CABIN1: variants seen among roughly 807,000 people sequenced by gnomAD.
The protein encoded by CABIN1 is calcineurin-binding protein cabin-1.
In CABIN1, 133 loss-of-function variants were observed where a neutral mutation model predicts 227.7. That is an observed-to-expected ratio of 0.58 (90% CI 0.51 to 0.67). The LOEUF (loss-of-function observed/expected upper bound fraction) is 0.67, where lower values mean the gene tolerates loss of function less well. Among genes scored for constraint, CABIN1 ranks in the 30% least tolerant of loss-of-function variants. CABIN1 has a pLI of 0.00. For missense variants in CABIN1, 2,408 were observed against 2,852.5 expected (o/e 0.84, Z 3.55); for synonymous variants, 1,086 against 1,155.1 (o/e 0.94, Z 1.21).
At chr22:24,014,199 T>C (rs2035059901) in intron 1 of CABIN1, among the ~76,000 whole-genome samples, 2 of 152,238 alleles carry the variant, frequency 1.3e-5, no homozygotes, top group African/African-American at 4.8e-5. Context: ...CTCTCTTTCC[T>C]TCTACATTAT....
intron 24 of CABIN1, among the ~76,000 whole-genome samples, chr22:24,095,168 G>T (rs1417488030): frequency 6.6e-6 from 1 of 152,204 alleles, no homozygotes; most frequent in Non-Finnish European, 1.5e-5. Flanking sequence ...GGGTGAGGGG[G>T]GCCACTTAGC....
At chr22:24,038,131 T>C (rs957769196) in intron 3 of CABIN1, among the ~76,000 whole-genome samples, 9 of 152,128 alleles carry the variant, frequency 5.9e-5, no homozygotes, top group African/African-American at 1.4e-4. Context: ...AAACAGAGAT[T>C]CCATCACATA....
At chr22:24,068,170 G>C (rs1386562669) in intron 16 of CABIN1, among the ~76,000 whole-genome samples, 1 of 152,214 alleles carries the variant, frequency 6.6e-6, no homozygotes, top group Non-Finnish European at 1.5e-5. Context: ...CATGGGGAAA[G>C]GGTAAGAAAG....
chr22:24,152,650 C>T (rs538314428), intron 29 of CABIN1, among the ~76,000 whole-genome samples: 1 of 152,216 alleles, frequency 6.6e-6, no homozygotes, highest in East Asian at 1.9e-4. Context: ...ATTCTTGCCA[C>T]GGCAAGAAAG....
chr22:24,171,664 G>T, intron 33 of CABIN1, 49 bp from the exon 34 acceptor site: 1 of 1,610,220 alleles, frequency 6.2e-7, no homozygotes. Context: ...AGCAGCGTGG[G>T]CTCAGGGCTG....
Position 24,042,832 on chromosome 22 carries a change from G to GTGTGTGTGTGTGTGTTTGCCCTCTGCT in CABIN1, c.346-57_346-56insTTGCCCTCTGCTTGTGTGTGTGTGTGT, listed in dbSNP as rs2037503045. The GTGTGTGTGTGTGTGTTTGCCCTCTGCT allele has an allele frequency of 3.3e-5, 21 of 628,510 alleles. No homozygotes were observed. The African/African-American group carries it at 3.7e-4, about 11-fold the overall frequency. The allele number at this position is 628,510 out of a possible 1,614,324, so 38.9% of individuals were successfully genotyped here. ...GAGAGATCTGACTGTGTGTGTGTGT[G>GTGTGTGTGTGTGTGTTTGCCCTCTGCT]TGTGTGTGTGTGTGTGTGTGTGTGT... On this transcript the variant is annotated intron_variant, in intron 5 of 36. Transcript: ENST00000263119.
chr22:24,086,024 A>C (rs2041135129), intron 22 of CABIN1, among the ~76,000 whole-genome samples: 1 of 152,350 alleles, frequency 6.6e-6, no homozygotes, highest in East Asian at 1.9e-4. Flanking sequence ...CAAGAAGAGA[A>C]GGGACTGGGT....
intron 5 of CABIN1, 138 bp downstream of exon 5, chr22:24,041,411 AGGT>A: frequency 7.4e-6 from 8 of 1,074,810 alleles, no homozygotes; most frequent in Non-Finnish European, 1.1e-5. Flanking sequence ...GCTCTAGGGT[AGGT>A]CCATAGGTGA....
At chr22:24,120,971 G>A (rs567306955) in intron 28 of CABIN1, among the ~76,000 whole-genome samples, 6 of 152,302 alleles carry the variant, frequency 3.9e-5, no homozygotes, top group African/African-American at 1.4e-4. Context: ...TATTGTAGGG[G>A]ACAGCATTGG....
rs11705552 is a variant in CABIN1 at position 24,122,647 on chromosome 22, G to T, written c.4632+2949G>T. Among the ~76,000 whole-genome samples the T allele has an allele frequency of 7.7e-3, 1,179 of 152,144 alleles. 5 individuals are homozygous for T. The highest frequency in any genetic ancestry group is 0.028 in the South Asian group (133 of 4,820). ...CGCTTGAACTGGGGAGGCGGAGGTT[G>T]CAGTGAGCCGAGATCACGTCATTTC... On this transcript the variant is annotated intron_variant, in intron 28 of 36. Transcript: ENST00000263119.
chr22:24,068,172 G>T (rs1448523736), intron 16 of CABIN1, among the ~76,000 whole-genome samples: 1 of 152,210 alleles, frequency 6.6e-6, no homozygotes, highest in East Asian at 1.9e-4. Context: ...TGGGGAAAGG[G>T]TAAGAAAGAG....
intron 2 of CABIN1, 98 bp downstream of exon 2, chr22:24,035,618 C>T: frequency 6.8e-7 from 1 of 1,460,286 alleles, no homozygotes; most frequent in Non-Finnish European, 9.6e-7. Flanking sequence ...TCTGAAGGCT[C>T]TTATTATGGA....
chr22:24,156,785 A>G (rs2045853964), intron 29 of CABIN1, among the ~76,000 whole-genome samples: 1 of 151,950 alleles, frequency 6.6e-6, no homozygotes, highest in African/African-American at 2.4e-5. Context: ...GTGGGCACAT[A>G]GAGCCTACAG....
chr22:24,070,505 C>T (rs1465494876), intron 16 of CABIN1, among the ~76,000 whole-genome samples: 1 of 152,266 alleles, frequency 6.6e-6, no homozygotes, highest in Non-Finnish European at 1.5e-5. Context: ...CCTTGGCTGG[C>T]TCTGCAGCCT....
intron 29 of CABIN1, among the ~76,000 whole-genome samples, chr22:24,140,193 G>T (rs1422525688): frequency 6.6e-6 from 1 of 152,224 alleles, no homozygotes; most frequent in Non-Finnish European, 1.5e-5. Context: ...AGGATCGAGT[G>T]AGTGGGACCT....
At position 24,091,792 on chromosome 22, in the gene CABIN1, C is replaced by T; in HGVS notation, c.3735C>T (p.Pro1245=). ...TGCACGAGGAGGCTGCCCGCTACCC[C>T]AAGAAGATCCACTACCACAACCCAC... ...HYLHEEAARY[P]KKIHYHNPPE... The change falls in exon 24 of 37, where the codon CCC becomes CCT. Residue 1245 remains proline, a synonymous_variant. Coordinates refer to ENST00000263119, the MANE Select transcript of CABIN1 (RefSeq NM_012295.4). 1 of 1,613,894 alleles carries T rather than the reference C, an allele frequency of 6.2e-7. No individual in the cohort carries two copies. Among genetic ancestry groups the T allele is most frequent in the East Asian group, 2.2e-5 (1 of 44,874 alleles).
chr22:24,023,244 T>C (rs1254363031), intron 1 of CABIN1, among the ~76,000 whole-genome samples: 1 of 152,268 alleles, frequency 6.6e-6, no homozygotes, highest in Non-Finnish European at 1.5e-5. Flanking sequence ...TTTTTGTGGC[T>C]GAATACTATT....
Position 24,081,259 on chromosome 22 carries a change from T to A in CABIN1, c.2749-1969T>A, listed in dbSNP as rs185928751. 2.6e-5 allele frequency among the ~76,000 whole-genome samples: 4 copies of A among 152,330 alleles called. No individual in the cohort carries two copies. The East Asian group carries it at 7.7e-4, about 29-fold the overall frequency. On this transcript the variant is annotated intron_variant, in intron 19 of 36. Coordinates refer to ENST00000263119, the MANE Select transcript of CABIN1 (RefSeq NM_012295.4). ...CAAGGGCAGGATTTGGCCCATGGGG[T>A]GGTTTGCCACCTGTGGTCTAGAGCT...
intron 24 of CABIN1, among the ~76,000 whole-genome samples, chr22:24,093,197 C>T (rs2041664709): frequency 6.6e-6 from 1 of 152,188 alleles, no homozygotes; most frequent in Admixed American, 6.5e-5. Context: ...GTTTGCTTTC[C>T]CTCAGCCATA....
Sources: gnomAD v4.1 joint callset for allele counts (sites outside exome capture counted in the v4.1 genomes callset) on GRCh38, gnomAD v4.1.1 for gene constraint, MANE v1.5 for transcripts, NCBI Gene and HGNC (gene_info 2026-07-23, HGNC 2026-07-21) for gene names.